Variants in MOB1B observed in about 807,000 individuals in gnomAD.
MOB1B encodes the protein MOB kinase activator 1B.
Under a neutral mutation model 24.4 loss-of-function variants are expected in MOB1B, and 19 were observed. That is an observed-to-expected ratio of 0.78 (90% CI 0.54 to 1.14). The LOEUF is 1.14. Ranked by LOEUF, MOB1B falls within the 50% of genes most tolerant of loss-of-function variation. The probability of loss-of-function intolerance (pLI) is 0.00; values close to 1 mark genes in which losing one functional copy is unlikely to be tolerated. For missense variants in MOB1B, 243 were observed against 259.6 expected, an observed-to-expected ratio of 0.94 and a Z score of 0.44; for synonymous variants, 76 against 82.1, an observed-to-expected ratio of 0.93 and a Z score of 0.40.
chr4:70,917,170 A>C (rs1736228148), intron 1 of MOB1B, among the ~76,000 whole-genome samples: 1 of 152,172 alleles, frequency 6.6e-6, no homozygotes, highest in African/African-American at 2.4e-5. Context: ...ATGGGTTAAG[A>C]GTAGTGAACC....
intron 1 of MOB1B, among the ~76,000 whole-genome samples, chr4:70,915,517 TTAGTTACTTC>T (rs765510398): frequency 1.3e-5 from 2 of 152,212 alleles, no homozygotes; most frequent in Non-Finnish European, 2.9e-5. Context: ...GAGGATTCCA[TTAGTTACTTC>T]AGGTACGCCC....
intron 1 of MOB1B, among the ~76,000 whole-genome samples, chr4:70,926,721 G>A (rs1488858359): frequency 6.6e-6 from 1 of 152,166 alleles, no homozygotes; most frequent in African/African-American, 2.4e-5. Flanking sequence ...AAATAAACAA[G>A]ATGTGCCGGG....
At chr4:70,914,917 C>G (rs1209620379) in intron 1 of MOB1B, among the ~76,000 whole-genome samples, 3 of 152,166 alleles carry the variant, frequency 2.0e-5, no homozygotes, top group Non-Finnish European at 4.4e-5. Context: ...GTCTGAGATT[C>G]AGCTGTGTGT....
Position 70,979,057 on chromosome 4 carries a change from C to T in MOB1B, c.410-71C>T, listed in dbSNP as rs1462897256. The stretch of plus-strand genomic sequence containing the variant: ...GCCTTGTCTTGGTAATTTATGTTGA[C>T]CTTTGCCGACAAACTCATTGTCTTG... On this transcript the variant is annotated intron_variant, in intron 4 of 5. Transcript: ENST00000309395. The T allele has an allele frequency of 1.3e-5, 16 of 1,259,002 alleles. No homozygotes were observed. In the Middle Eastern group the frequency reaches 7.8e-4, roughly 61 times the overall value. 78.0% of individuals were successfully genotyped at this position (1,259,002 alleles called of 1,614,324 possible).
At chr4:70,975,102 G>A in intron 3 of MOB1B, 51 bp from the exon 4 acceptor site, 2 of 1,404,206 alleles carry the variant, frequency 1.4e-6, no homozygotes, top group South Asian at 2.9e-5. Flanking sequence ...TATATACACT[G>A]TGTATAGGTA....
intron 2 of MOB1B, among the ~76,000 whole-genome samples, chr4:70,963,102 G>A (rs190449301): frequency 6.0e-4 from 91 of 152,296 alleles, no homozygotes; most frequent in African/African-American, 2.0e-3. Flanking sequence ...AATCTTTGCA[G>A]ACCACATATA....
intron 1 of MOB1B, among the ~76,000 whole-genome samples, chr4:70,905,068 T>C (rs1373337864): frequency 1.3e-5 from 2 of 152,206 alleles, no homozygotes; most frequent in African/African-American, 4.8e-5. Flanking sequence ...ATTTAGCCCA[T>C]GTGCTTGACA....
chr4:70,940,257 C>T (rs1394763784), intron 1 of MOB1B, among the ~76,000 whole-genome samples: 1 of 152,154 alleles, frequency 6.6e-6, no homozygotes, highest in Non-Finnish European at 1.5e-5. Context: ...TGCCTGTCCT[C>T]ACCTAGGTCC....
At chr4:70,976,753 C>A in intron 4 of MOB1B, 3 of 180,912 alleles carry the variant, frequency 1.7e-5, no homozygotes, top group Non-Finnish European at 2.7e-5. Flanking sequence ...GACTGAATTA[C>A]ATATATATAT....
chr4:70,980,165 C>T (rs1739145399), intron 5 of MOB1B, among the ~76,000 whole-genome samples: 2 of 152,166 alleles, frequency 1.3e-5, no homozygotes, highest in South Asian at 2.1e-4. Flanking sequence ...TGTACACACT[C>T]CTCACACTGA....
At position 70,979,146 on chromosome 4, in the gene MOB1B, A is replaced by G; in HGVS notation, c.428A>G (p.Asn143Ser). The G allele has an allele frequency of 1.2e-6, 2 of 1,613,598 alleles. No homozygotes were observed. The highest frequency in any genetic ancestry group is 1.7e-6 in the Non-Finnish European group (2 of 1,179,752). ...PSKIGVPFPK[N>S]FMSVAKTILK... The stretch of plus-strand genomic sequence containing the variant: ...TTTCTAGGTGTCCCGTTCCCAAAGA[A>G]TTTCATGTCTGTGGCAAAAACTATA... The change falls in exon 5 of 6, where the codon AAT becomes AGT. Residue 143 changes from asparagine to serine, a missense_variant. Asn to Ser is a conservative substitution (Grantham distance 46, BLOSUM62 1). Coordinates refer to ENST00000309395, the MANE Select transcript of MOB1B (RefSeq NM_173468.4).
Position 70,958,847 on chromosome 4 carries a change from C to A in MOB1B, c.15-27C>A, listed in dbSNP as rs758627358. ...TGAATGTCATGCCTTAAATATTAAACCCTTTTTTTTTCTTTTCTATTCATA... is the reference window on the plus strand; with the variant it reads ...TGAATGTCATGCCTTAAATATTAAAACCTTTTTTTTTCTTTTCTATTCATA... On this transcript the variant is annotated intron_variant, in intron 1 of 5. Coordinates refer to ENST00000309395, the MANE Select transcript of MOB1B (RefSeq NM_173468.4). 86 of 1,582,874 alleles carry A rather than the reference C, an allele frequency of 5.4e-5. No individual in the cohort carries two copies. The East Asian group carries it at 1.3e-3, about 24-fold the overall frequency.
At chr4:70,903,974 C>CTTTTTTTTTTTT (rs754257097) in intron 1 of MOB1B, among the ~76,000 whole-genome samples, 10 of 81,006 alleles carry the variant, frequency 1.2e-4, no homozygotes, top group South Asian at 5.4e-4. Flanking sequence ...TATTTTAGTT[C>CTTTTTTTTTTTT]TTTTTTTTTT....
At chr4:70,970,637 T>C (rs1206789630) in intron 3 of MOB1B, among the ~76,000 whole-genome samples, 1 of 152,230 alleles carries the variant, frequency 6.6e-6, no homozygotes, top group Non-Finnish European at 1.5e-5. Context: ...CTACTAATAA[T>C]AGCAATGACA....
At chr4:70,944,279 C>T (rs1004592522) in intron 1 of MOB1B, among the ~76,000 whole-genome samples, 40 of 152,214 alleles carry the variant, frequency 2.6e-4, no homozygotes, top group African/African-American at 9.4e-4. Context: ...AGGTGATCCT[C>T]GCGCCTTGGC....
At chr4:70,978,766 TTTCTG>T (rs1190520156) in intron 4 of MOB1B, among the ~76,000 whole-genome samples, 1 of 152,316 alleles carries the variant, frequency 6.6e-6, no homozygotes, top group East Asian at 1.9e-4. Flanking sequence ...TAATGCATTA[TTTCTG>T]TTCAGCACAT....
chr4:70,915,582 G>A (rs1054535344), intron 1 of MOB1B, among the ~76,000 whole-genome samples: 1 of 152,202 alleles, frequency 6.6e-6, no homozygotes, highest in Admixed American at 6.5e-5. Flanking sequence ...CATTTACTTG[G>A]CCTCTGCCCC....
In MOB1B at chr4:70,918,922, C is replaced by T. The variant is rs1156920056; in HGVS notation, c.14+16372C>T. Among the ~76,000 whole-genome samples the T allele has an allele frequency of 2.0e-5, 3 of 151,908 alleles. No homozygotes were observed. In the Middle Eastern group the frequency reaches 0.01, roughly 517 times the overall value. ...ACTTGGAACCAACCCAAATGTCCAA[C>T]GATAGACTGGATTAAGAAAATGTGG... On this transcript the variant is annotated intron_variant, in intron 1 of 5. Transcript: ENST00000309395.
chr4:70,917,962 C>G (rs1423359486), intron 1 of MOB1B, among the ~76,000 whole-genome samples: 4 of 152,034 alleles, frequency 2.6e-5, no homozygotes, highest in Admixed American at 2.6e-4. Context: ...TAGCTTTATA[C>G]AAGGAAATTT....
Sources: allele counts gnomAD v4.1 joint callset (sites outside exome capture counted in the v4.1 genomes callset), GRCh38; gene constraint gnomAD v4.1.1; transcripts MANE v1.5; gene names NCBI Gene and HGNC (gene_info 2026-07-23, HGNC 2026-07-21).